CEBPZOS: variants seen among roughly 807,000 people sequenced by gnomAD.
The protein encoded by CEBPZOS is CEBPZ opposite strand.
Under a neutral mutation model 4.8 loss-of-function variants are expected in CEBPZOS, and 10 were observed. The ratio of observed to expected loss-of-function variants is 2.07; its 90% CI spans 1.28 to 3.52. The LOEUF is 3.52. Ranked by LOEUF, CEBPZOS falls within the 30% of genes most tolerant of loss-of-function variation. The pLI, the probability that CEBPZOS is intolerant of heterozygous loss-of-function variation, is 0.00. For missense variants in CEBPZOS, 98 were observed against 43.6 expected (o/e 2.25, Z -3.51); for synonymous variants, 25 against 14.2 (o/e 1.77, Z -1.72).
At chr2:37,199,575 T>C in intron 1 of CEBPZOS, 129 bp from the exon 2 acceptor site, 4 of 553,710 alleles carry the variant, frequency 7.2e-6, no homozygotes, top group Non-Finnish European at 1.3e-5. Context: ...AAGTATACCA[T>C]AGTATTGGTC....
intron 1 of CEBPZOS, among the ~76,000 whole-genome samples, chr2:37,196,881 C>G (rs1177538168): frequency 6.6e-6 from 1 of 152,178 alleles, no homozygotes; most frequent in African/African-American, 2.4e-5. Flanking sequence ...GCGGCCAGCT[C>G]TCGGCCTCTG....
downstream of CEBPZOS, among the ~76,000 whole-genome samples, chr2:37,207,196 A>G (rs957764381): frequency 1.3e-5 from 2 of 152,200 alleles, no homozygotes; most frequent in African/African-American, 4.8e-5. Context: ...TGGCAACACA[A>G]TAATAGTGGG....
chr2:37,212,542 C>T (rs1470250184), intron 4 of CEBPZOS: 12 of 667,710 alleles, frequency 1.8e-5, no homozygotes, highest in African/African-American at 7.2e-5. Flanking sequence ...GCTAGTGTGC[C>T]TTAATAATGT....
At chr2:37,214,385 CTAT>C (rs1677817571), downstream of CEBPZOS, among the ~76,000 whole-genome samples, 2 of 152,080 alleles carry the variant, frequency 1.3e-5, no homozygotes, top group Admixed American at 6.6e-5. Context: ...GGACTTATTT[CTAT>C]AACAGTGCAC....
chr2:37,203,321 T>C lies in CEBPZOS; in HGVS notation c.*1461T>C, dbSNP rs1382792893. The C allele has an allele frequency of 5.5e-6, 1 of 180,560 alleles. No homozygotes were observed. The highest frequency in any genetic ancestry group is 1.1e-5 in the Non-Finnish European group (1 of 87,314). The allele number at this position is 180,560 out of a possible 1,614,324, so 11.2% of individuals were successfully genotyped here. ...ATCAAGCAATAGTAAAATTATCAGTTTGACATGGATGGGTTTTGAAATACT... is the reference window on the plus strand; with the variant it reads ...ATCAAGCAATAGTAAAATTATCAGTCTGACATGGATGGGTTTTGAAATACT... On this transcript the variant is annotated 3_prime_UTR_variant, in exon 5 of 5. Transcript: ENST00000402297.
chr2:37,196,876 C>T (rs1676967972), intron 1 of CEBPZOS, among the ~76,000 whole-genome samples: 1 of 152,198 alleles, frequency 6.6e-6, no homozygotes, highest in South Asian at 2.1e-4. Flanking sequence ...CGGAGGCGGC[C>T]AGCTCTCGGC....
In CEBPZOS at chr2:37,201,939, C is replaced by T. The variant is rs771771871; in HGVS notation, c.*79C>T. 1 of 1,590,712 alleles carries T rather than the reference C, an allele frequency of 6.3e-7. No individual in the cohort carries two copies. The highest frequency in any genetic ancestry group is 1.1e-5 in the South Asian group (1 of 87,706). ...AGAAGAAAAGATGAGTGTACTACCA[C>T]ACTGTAGACTCTTGGTGGTCCCACA... On this transcript the variant is annotated 3_prime_UTR_variant, in exon 5 of 5. Coordinates refer to ENST00000402297, the MANE Select transcript of CEBPZOS (RefSeq NM_001322374.2).
chr2:37,214,850 C>G, downstream of CEBPZOS: 1 of 1,310,180 alleles, frequency 7.6e-7, no homozygotes, highest in Non-Finnish European at 1.1e-6. Context: ...TAAATTTTAG[C>G]AGTTTCCCCA....
At chr2:37,211,867 C>G in intron 4 of CEBPZOS, 1 of 1,605,606 alleles carries the variant, frequency 6.2e-7, no homozygotes, top group Non-Finnish European at 8.5e-7. Flanking sequence ...CTTTCATCAT[C>G]TAACACATCC....
intron 4 of CEBPZOS, chr2:37,212,221 A>G: frequency 9.3e-7 from 1 of 1,077,192 alleles, no homozygotes; most frequent in Non-Finnish European, 1.4e-6. Context: ...CCACTTCCCA[A>G]ACTTACTTGA....
At chr2:37,201,265 G>A (rs1677217253) in intron 3 of CEBPZOS, 173 bp downstream of exon 3, 1 of 564,540 alleles carries the variant, frequency 1.8e-6, no homozygotes, top group African/African-American at 1.9e-5. Context: ...GTAATGGGCT[G>A]GATTCTGAAT....
chr2:37,203,536 A>G lies in CEBPZOS; in HGVS notation c.*1676A>G, dbSNP rs1436418199. The G allele has an allele frequency of 6.6e-6, 1 of 152,240 alleles. No individual in the cohort carries two copies. The highest frequency in any genetic ancestry group is 2.4e-5 in the African/African-American group (1 of 41,460). 9.4% of individuals were successfully genotyped at this position (152,240 alleles called of 1,614,324 possible). A position where few individuals can be genotyped will look rare whatever the true frequency, so the allele number is the denominator to read the frequency against. On this transcript the variant is annotated 3_prime_UTR_variant, in exon 5 of 5. Transcript: ENST00000402297. ...CAATTATTCAAACTCTGCATCTTTGATATCAATGTCTCTAGCAGTAGTAGA... is the reference window on the plus strand; with the variant it reads ...CAATTATTCAAACTCTGCATCTTTGGTATCAATGTCTCTAGCAGTAGTAGA...
intron 4 of CEBPZOS, chr2:37,212,345 C>G (rs1219443009): frequency 6.2e-7 from 1 of 1,613,478 alleles, no homozygotes; most frequent in East Asian, 2.2e-5. Context: ...CCAGCAAAAT[C>G]CATATCATCC....
intron 1 of CEBPZOS, among the ~76,000 whole-genome samples, chr2:37,199,442 C>A (rs901184263): frequency 6.6e-6 from 1 of 152,120 alleles, no homozygotes; most frequent in Non-Finnish European, 1.5e-5. Flanking sequence ...GTAAATTGTT[C>A]TTTTTACAAC....
At chr2:37,200,640 T>C (rs1677174499) in intron 2 of CEBPZOS, among the ~76,000 whole-genome samples, 1 of 145,376 alleles carries the variant, frequency 6.9e-6, no homozygotes, top group Non-Finnish European at 1.5e-5. Flanking sequence ...GGGCTAAACA[T>C]AACAAGACAC....
chr2:37,213,790 C>T, downstream of CEBPZOS: 2 of 951,072 alleles, frequency 2.1e-6, no homozygotes, highest in Non-Finnish European at 1.6e-6. Context: ...AAGGCCACTT[C>T]TCCCACTAAT....
intron 4 of CEBPZOS, chr2:37,212,284 C>A (rs759032639): frequency 1.3e-6 from 2 of 1,520,914 alleles, no homozygotes; most frequent in Non-Finnish European, 1.8e-6. Flanking sequence ...TGAGGGACAA[C>A]AATTTGGGAA....
chr2:37,198,817 A>G (rs1677073588), intron 1 of CEBPZOS: 1 of 152,232 alleles, frequency 6.6e-6, no homozygotes, highest in Admixed American at 6.5e-5. Context: ...TTCATCACCC[A>G]ATCAGTTTCC....
At chr2:37,200,997 A>G (rs1253965603) in intron 2 of CEBPZOS, 51 bp from the exon 3 acceptor site, 9 of 709,744 alleles carry the variant, frequency 1.3e-5, no homozygotes, top group Non-Finnish European at 2.1e-5. Flanking sequence ...CTGTGTTAAT[A>G]TAATGAATTT....
Sources: allele counts gnomAD v4.1 joint callset (sites outside exome capture counted in the v4.1 genomes callset), GRCh38; gene constraint gnomAD v4.1.1; transcripts MANE v1.5; gene names NCBI Gene and HGNC (gene_info 2026-07-23, HGNC 2026-07-21).